SPOCK3: variants seen among roughly 807,000 people sequenced by gnomAD.
The protein encoded by SPOCK3 is testican-3.
A neutral mutation model predicts 56.6 loss-of-function variants in SPOCK3; 30 were observed. That is an observed-to-expected ratio of 0.53 (90% CI 0.40 to 0.72). SPOCK3 has a LOEUF of 0.72. Ranked by LOEUF, SPOCK3 falls within the 30% of genes least tolerant of loss-of-function variation. The pLI, the probability that SPOCK3 is intolerant of heterozygous loss-of-function variation, is 0.00. For missense variants in SPOCK3, 527 were observed against 530.0 expected (o/e 0.99, Z 0.06); for synonymous variants, 196 against 183.3 (o/e 1.07, Z -0.56).
intron 6 of SPOCK3, among the ~76,000 whole-genome samples, chr4:166,800,208 G>GAAAAAAAAAAAAAAAAAAAAAAA (rs1207796263): frequency 6.7e-4 from 76 of 112,976 alleles, no homozygotes; most frequent in East Asian, 3.6e-3. Context: ...AAAAAAAAAT[G>GAAAAAAAAAAAAAAAAAAAAAAA]AAAACATGGA....
chr4:166,968,838 C>T (rs951855470), intron 4 of SPOCK3, among the ~76,000 whole-genome samples: 4 of 152,152 alleles, frequency 2.6e-5, no homozygotes, highest in Admixed American at 2.6e-4. Flanking sequence ...GGTACATCCA[C>T]TGACAGCTTG....
chr4:167,027,705 A>G (rs1751830641), intron 3 of SPOCK3, among the ~76,000 whole-genome samples: 1 of 152,052 alleles, frequency 6.6e-6, no homozygotes, highest in Non-Finnish European at 1.5e-5. Context: ...AAATGTTATT[A>G]AGAAAATCAT....
intron 5 of SPOCK3, among the ~76,000 whole-genome samples, chr4:166,891,449 C>G (rs563480167): frequency 6.6e-6 from 1 of 151,942 alleles, no homozygotes; most frequent in East Asian, 1.9e-4. Context: ...AGTTGAAATT[C>G]TTAACGAGCC....
intron 3 of SPOCK3, among the ~76,000 whole-genome samples, chr4:167,046,106 T>TA (rs1561156145): frequency 6.6e-6 from 1 of 152,194 alleles, no homozygotes; most frequent in Non-Finnish European, 1.5e-5. Context: ...TTGTTTTTTT[T>TA]ACCCCCTTTC....
intron 6 of SPOCK3, among the ~76,000 whole-genome samples, chr4:166,863,344 A>G (rs1376380569): frequency 6.6e-6 from 1 of 152,118 alleles, no homozygotes; most frequent in Non-Finnish European, 1.5e-5. Context: ...ACCAAAATAC[A>G]AAGACCAATG....
chr4:167,217,950 G>T (rs1393837412), intron 2 of SPOCK3, among the ~76,000 whole-genome samples: 1 of 151,730 alleles, frequency 6.6e-6, no homozygotes, highest in East Asian at 1.9e-4. Context: ...AAACCAAAGG[G>T]TTTTAGCAAA....
chr4:166,841,664 G>C (rs1453206962), intron 6 of SPOCK3, among the ~76,000 whole-genome samples: 1 of 149,598 alleles, frequency 6.7e-6, no homozygotes, highest in Non-Finnish European at 1.5e-5. Flanking sequence ...ATGCCCTTTT[G>C]CATACATGTT....
intron 2 of SPOCK3, among the ~76,000 whole-genome samples, chr4:167,121,104 A>C (rs184798159): frequency 2.0e-5 from 3 of 151,810 alleles, no homozygotes; most frequent in Admixed American, 1.3e-4. Flanking sequence ...TGTTTTTTTA[A>C]ATCTATTTAA....
chr4:166,739,133 T>A (rs1027774061), intron 9 of SPOCK3, among the ~76,000 whole-genome samples: 1 of 152,200 alleles, frequency 6.6e-6, no homozygotes, highest in Non-Finnish European at 1.5e-5. Context: ...CAGCACCTGT[T>A]GTTTCCTGAC....
chr4:166,870,495 G>A (rs1732340040), intron 6 of SPOCK3, among the ~76,000 whole-genome samples: 2 of 151,428 alleles, frequency 1.3e-5, no homozygotes, highest in African/African-American at 2.4e-5. Context: ...TAATAAAAAC[G>A]ATATTAAGTA....
At chr4:166,749,645 A>AT (rs1736114607) in intron 8 of SPOCK3, among the ~76,000 whole-genome samples, 1 of 151,654 alleles carries the variant, frequency 6.6e-6, no homozygotes, top group African/African-American at 2.4e-5. Context: ...ATAAAAAATA[A>AT]AAAAAAATAA....
At chr4:166,771,667 ACAT>A (rs1390929790) in intron 7 of SPOCK3, among the ~76,000 whole-genome samples, 1 of 152,100 alleles carries the variant, frequency 6.6e-6, no homozygotes, top group African/African-American at 2.4e-5. Context: ...TACCTGTTGC[ACAT>A]CATATGTTTA....
intron 4 of SPOCK3, among the ~76,000 whole-genome samples, chr4:166,974,429 T>G (rs971556222): frequency 2.0e-5 from 3 of 152,318 alleles, no homozygotes; most frequent in Middle Eastern, 3.4e-3. Flanking sequence ...TACAGTCAAA[T>G]AATCCATGCC....
intron 6 of SPOCK3, among the ~76,000 whole-genome samples, chr4:166,797,241 T>C (rs984557075): frequency 1.3e-5 from 2 of 148,710 alleles, no homozygotes; most frequent in African/African-American, 4.9e-5. Flanking sequence ...TTCTTTTTTT[T>C]TTTTTTTTTT....
At chr4:167,015,006 G>A (rs556052093) in intron 3 of SPOCK3, among the ~76,000 whole-genome samples, 2 of 151,664 alleles carry the variant, frequency 1.3e-5, no homozygotes, top group Non-Finnish European at 2.9e-5. Context: ...AATATTAAAA[G>A]CCTTTTAAAT....
chr4:167,164,763 A>G (rs1450779933), intron 2 of SPOCK3, among the ~76,000 whole-genome samples: 2 of 152,002 alleles, frequency 1.3e-5, no homozygotes, highest in Non-Finnish European at 2.9e-5. Flanking sequence ...TTTCAAGGTC[A>G]TTATCTTATC....
At chr4:167,116,463 TACACAC>T (rs1761342044) in intron 2 of SPOCK3, among the ~76,000 whole-genome samples, 1 of 129,406 alleles carries the variant, frequency 7.7e-6, no homozygotes, top group Non-Finnish European at 1.6e-5. Flanking sequence ...AGTATATATA[TACACAC>T]TTTTGTATAT....
At chr4:167,014,097 C>G (rs990444042) in intron 3 of SPOCK3, among the ~76,000 whole-genome samples, 4 of 152,122 alleles carry the variant, frequency 2.6e-5, no homozygotes, top group African/African-American at 7.2e-5. Flanking sequence ...CCTATAAAAT[C>G]TCTTGTAACG....
chr4:166,847,278 A>C (rs894266789), intron 6 of SPOCK3, among the ~76,000 whole-genome samples: 1 of 151,980 alleles, frequency 6.6e-6, no homozygotes, highest in Admixed American at 6.6e-5. Flanking sequence ...GATTCCTTTT[A>C]TTTTATTATT....
Sources: gnomAD v4.1 joint callset for allele counts (sites outside exome capture counted in the v4.1 genomes callset) on GRCh38, gnomAD v4.1.1 for gene constraint, MANE v1.5 for transcripts, NCBI Gene and HGNC (gene_info 2026-07-23, HGNC 2026-07-21) for gene names.